LRRK1: variants seen among roughly 807,000 people sequenced by gnomAD.
LRRK1 encodes leucine-rich repeat serine/threonine-protein kinase 1.
A neutral mutation model predicts 209.1 loss-of-function variants in LRRK1; 113 were observed. The observed-to-expected ratio is 0.54, with a 90% CI of 0.46 to 0.63. The LOEUF is 0.63. LRRK1 is among the 30% of genes least tolerant of loss of function. The probability of loss-of-function intolerance (pLI) is 0.00; values close to 1 mark genes in which losing one functional copy is unlikely to be tolerated. For synonymous variants in LRRK1, 1,144 were observed against 1,099.7 expected, an observed-to-expected ratio of 1.04 and a Z score of -0.80; for missense variants, 2,284 against 2,632.2, an observed-to-expected ratio of 0.87 and a Z score of 2.89.
intron 20 of LRRK1, among the ~76,000 whole-genome samples, chr15:101,031,518 C>T (rs1199735108): frequency 6.6e-6 from 1 of 152,142 alleles, no homozygotes; most frequent in Non-Finnish European, 1.5e-5. Flanking sequence ...TCTTGATAGG[C>T]ATTTGGATGG....
At chr15:100,945,251 T>C (rs770553610) in intron 2 of LRRK1, among the ~76,000 whole-genome samples, 2 of 151,528 alleles carry the variant, frequency 1.3e-5, no homozygotes, top group Non-Finnish European at 2.9e-5. Flanking sequence ...TTCAGGAGAG[T>C]TTTTCCTGTT....
chr15:100,969,527 C>T (rs1227119831), intron 2 of LRRK1, among the ~76,000 whole-genome samples: 1 of 151,948 alleles, frequency 6.6e-6, no homozygotes, highest in Non-Finnish European at 1.5e-5. Flanking sequence ...GGTACATGAG[C>T]AGGATGTGCT....
chr15:100,937,539 T>A (rs1210583816), intron 2 of LRRK1, among the ~76,000 whole-genome samples: 1 of 151,488 alleles, frequency 6.6e-6, no homozygotes, highest in East Asian at 1.9e-4. Flanking sequence ...TATTTTATTT[T>A]ATTTATTTAT....
At chr15:101,062,715 T>C (rs767421195) in intron 31 of LRRK1, 25 bp downstream of exon 31, 10 of 1,533,704 alleles carry the variant, frequency 6.5e-6, no homozygotes, top group Non-Finnish European at 6.3e-6. Flanking sequence ...AAGGCAGGTA[T>C]GCAGGTCTCT....
At chr15:100,979,227 G>A (rs1005602915) in intron 3 of LRRK1, among the ~76,000 whole-genome samples, 1 of 152,064 alleles carries the variant, frequency 6.6e-6, no homozygotes, top group African/African-American at 2.4e-5. Flanking sequence ...AAGAATAGGA[G>A]GGAACTTCCT....
chr15:101,072,936 C>CCG lies in LRRK1; in HGVS notation c.*4089_*4090dup, dbSNP rs1186012886. 1 of 145,354 alleles carries CCG rather than the reference C, an allele frequency of 6.9e-6. No homozygotes were observed. Among genetic ancestry groups the CCG allele is most frequent in the East Asian group, 1.9e-4 (1 of 5,142 alleles). The allele number at this position is 145,354 out of a possible 1,614,324, so 9.0% of individuals were successfully genotyped here. On this transcript the variant is annotated 3_prime_UTR_variant, in exon 34 of 34. Coordinates refer to ENST00000388948, the MANE Select transcript of LRRK1 (RefSeq NM_024652.6). ...ACATGGACGTGCATTAAATTTGGTGCCGTAACTGGCGCGGGGGGAGGGGGG... is the reference window on the plus strand; with the variant it reads ...ACATGGACGTGCATTAAATTTGGTGCCGCGTAACTGGCGCGGGGGGAGGGGGG...
Position 101,024,952 on chromosome 15 carries a change from G to T in LRRK1, c.2217G>T (p.Trp739Cys). The T allele has an allele frequency of 1.2e-6, 2 of 1,613,714 alleles. No individual in the cohort carries two copies. Among genetic ancestry groups the T allele is most frequent in the Non-Finnish European group, 1.7e-6 (2 of 1,179,958 alleles). Residue 739 changes from tryptophan to cysteine, a missense_variant, in exon 16 of 34, where the codon TGG becomes TGT. Physicochemically the swap from Trp to Cys is radical, Grantham distance 215 (BLOSUM62 -2). Coordinates refer to ENST00000388948, the MANE Select transcript of LRRK1 (RefSeq NM_024652.6). The surrounding 1 kb of genome is among the most constrained non-coding windows in gnomAD (Gnocchi z 4.6). ...AGGCCGTGGCCAACCTCCAGTTCTG[G>T]CTGCTCAACATCGAGGTGAGGACAC... is the stretch of plus-strand genomic sequence containing the variant. The part of the protein sequence containing the change: ...GEEAVANLQF[W>C]LLNIEAKAPN...
At chr15:101,039,701 T>C (rs2034656367) in intron 20 of LRRK1, among the ~76,000 whole-genome samples, 1 of 152,208 alleles carries the variant, frequency 6.6e-6, no homozygotes, top group Non-Finnish European at 1.5e-5. Context: ...TCAAGTGTGA[T>C]GTTTTCTGCA....
Position 101,051,867 on chromosome 15 carries a change from A to G in LRRK1, c.3596A>G (p.Glu1199Gly). ...GAAGACTGTGTCCTGACGGCCATCG[A>G]GCGGGACTTCATCTCCTGCCCCAGA... ...DMEDCVLTAI[E>G]RDFISCPRHP... Residue 1199 changes from glutamate to glycine, a missense_variant, in exon 24 of 34, where the codon GAG (glutamate) becomes GGG (glycine). Physicochemically the swap from Glu to Gly is moderately conservative, Grantham distance 98. Coordinates refer to ENST00000388948, the MANE Select transcript of LRRK1 (RefSeq NM_024652.6). 1 of 1,614,114 alleles carries G rather than the reference A, an allele frequency of 6.2e-7. No homozygotes were observed.
intron 2 of LRRK1, among the ~76,000 whole-genome samples, chr15:100,928,556 C>T (rs538426648): frequency 6.6e-6 from 1 of 152,322 alleles, no homozygotes; most frequent in South Asian, 2.1e-4. Flanking sequence ...ACAGCTTTCT[C>T]ATGCTTTAAA....
intron 26 of LRRK1, among the ~76,000 whole-genome samples, chr15:101,054,396 T>C (rs1353681038): frequency 2.0e-5 from 3 of 152,234 alleles, no homozygotes; most frequent in East Asian, 3.8e-4. Context: ...GAATAAGATA[T>C]CAGGAATGAA....
intron 2 of LRRK1, among the ~76,000 whole-genome samples, chr15:100,928,825 GGT>G (rs748346738): frequency 1.1e-4 from 17 of 152,172 alleles, no homozygotes; most frequent in Non-Finnish European, 2.2e-4. Flanking sequence ...TTGCCCAGCT[GGT>G]GTGAGGCTGG....
At chr15:100,972,904 C>T (rs1390368614) in intron 2 of LRRK1, among the ~76,000 whole-genome samples, 1 of 110,382 alleles carries the variant, frequency 9.1e-6, no homozygotes, top group Non-Finnish European at 1.8e-5. Context: ...TGAATTTTGT[C>T]CTCGAAAAAC....
At chr15:101,061,084 G>A (rs904755060) in intron 29 of LRRK1, 87 bp from the exon 30 acceptor site, 10 of 974,064 alleles carry the variant, frequency 1.0e-5, no homozygotes, top group East Asian at 4.8e-5. Flanking sequence ...GGAGGTAGAC[G>A]AGGCTCGCAG....
Position 101,009,069 on chromosome 15 carries a change from T to A in LRRK1, c.989+6T>A. 6.2e-7 allele frequency: 1 copy of A among 1,608,386 alleles called. No homozygotes were observed. The highest frequency in any genetic ancestry group is 8.5e-7 in the Non-Finnish European group (1 of 1,175,116). ...GACGAAATCATCTGTTCCAGGTGGC[T>A]CCCCGGGGTGTGACCGGAGCCGTGT... On this transcript the variant is annotated splice_donor_region_variant and intron_variant, in intron 7 of 33. Coordinates refer to ENST00000388948, the MANE Select transcript of LRRK1 (RefSeq NM_024652.6).
chr15:101,007,943 G>A (rs1442955180), intron 6 of LRRK1, among the ~76,000 whole-genome samples: 1 of 151,988 alleles, frequency 6.6e-6, no homozygotes, highest in Non-Finnish European at 1.5e-5. Context: ...CCGAGGTCAG[G>A]AGTTTGAGAC....
chr15:100,995,970 C>T (rs1385336812), intron 6 of LRRK1, among the ~76,000 whole-genome samples: 1 of 152,260 alleles, frequency 6.6e-6, no homozygotes, highest in African/African-American at 2.4e-5. Flanking sequence ...CCCTTCATGT[C>T]TGTGTGTCAG....
chr15:100,945,801 C>T (rs527612958), intron 2 of LRRK1, among the ~76,000 whole-genome samples: 1 of 152,228 alleles, frequency 6.6e-6, no homozygotes, highest in African/African-American at 2.4e-5. Flanking sequence ...CCTTCATATT[C>T]TTTATTAATC....
At chr15:100,945,088 G>A (rs546623644) in intron 2 of LRRK1, among the ~76,000 whole-genome samples, 36 of 152,274 alleles carry the variant, frequency 2.4e-4, no homozygotes, top group African/African-American at 7.9e-4. Context: ...TCCTCTTCAC[G>A]GGCATTTGGG....
Sources: gnomAD v4.1 joint callset for allele counts (sites outside exome capture counted in the v4.1 genomes callset) on GRCh38, gnomAD v4.1.1 for gene constraint, Gnocchi (gnomAD v3.1) non-coding constraint, MANE v1.5 for transcripts, NCBI Gene and HGNC (gene_info 2026-07-23, HGNC 2026-07-21) for gene names.